PIK3R4: variants seen among roughly 807,000 people sequenced by gnomAD.
PIK3R4 encodes the protein phosphoinositide 3-kinase regulatory subunit 4.
Under a neutral mutation model 136.5 loss-of-function variants are expected in PIK3R4, and 46 were observed. The observed-to-expected ratio is 0.34, with a 90% confidence interval of 0.27 to 0.43. The LOEUF is 0.43. Among genes scored for constraint, PIK3R4 ranks in the 20% least tolerant of loss-of-function variants. PIK3R4 has a pLI of 1.00. For synonymous variants in PIK3R4, 557 were observed against 566.7 expected, an observed-to-expected ratio of 0.98 and a Z score of 0.24; for missense variants, 1,331 against 1,649.5, an observed-to-expected ratio of 0.81 and a Z score of 3.35.
chr3:130,684,422 A>G, intron 15 of PIK3R4, 41 bp from the exon 16 acceptor site: 1 of 1,560,014 alleles, frequency 6.4e-7, no homozygotes, highest in Non-Finnish European at 8.8e-7. Context: ...TCTAATGATC[A>G]AAGTGCATCA....
chr3:130,683,996 G>A (rs1371681897), intron 16 of PIK3R4, among the ~76,000 whole-genome samples: 1 of 152,060 alleles, frequency 6.6e-6, no homozygotes, highest in Non-Finnish European at 1.5e-5. Context: ...AAAAATAGGG[G>A]ACACAGGAAG....
At chr3:130,709,067 G>C (rs533177192) in intron 9 of PIK3R4, among the ~76,000 whole-genome samples, 107 of 152,218 alleles carry the variant, frequency 7.0e-4, no homozygotes, top group African/African-American at 2.5e-3. Flanking sequence ...GCTGAAGTCA[G>C]ACTGCCTAGG....
rs577768148 is a variant in PIK3R4, at chr3:130,679,254, C to T, written c.*61G>A. 42 of 1,024,878 alleles carry T rather than the reference C, an allele frequency of 4.1e-5. No individual in the cohort carries two copies. The African/African-American group carries it at 6.7e-4, about 16-fold the overall frequency. 63.5% of individuals were successfully genotyped at this position (1,024,878 alleles called of 1,614,324 possible). ...CAAATGAATCTGTTCTCTAGAAATG[C>T]CTTTTCTCGAGTTATAGTATTATAT... On this transcript the variant is annotated 3_prime_UTR_variant, in exon 20 of 20. Coordinates refer to ENST00000356763, the MANE Select transcript of PIK3R4 (RefSeq NM_014602.3).
At chr3:130,736,235 C>T (rs888256450) in intron 2 of PIK3R4, among the ~76,000 whole-genome samples, 1 of 152,114 alleles carries the variant, frequency 6.6e-6, no homozygotes, top group Non-Finnish European at 1.5e-5. Context: ...TTTTCTCCCT[C>T]TTAAAAAAAC....
intron 9 of PIK3R4, among the ~76,000 whole-genome samples, chr3:130,713,132 G>C (rs1254603680): frequency 6.6e-6 from 1 of 152,206 alleles, no homozygotes; most frequent in Non-Finnish European, 1.5e-5. Context: ...CTCTGGTAAA[G>C]TCATTGCTGG....
intron 2 of PIK3R4, among the ~76,000 whole-genome samples, chr3:130,738,318 T>G (rs1160943424): frequency 6.6e-6 from 1 of 152,222 alleles, no homozygotes; most frequent in Non-Finnish European, 1.5e-5. Context: ...TATGATATTT[T>G]CAACTTCTAA....
intron 2 of PIK3R4, among the ~76,000 whole-genome samples, chr3:130,741,083 A>G (rs746118025): frequency 2.8e-4 from 43 of 152,200 alleles, no homozygotes; most frequent in Non-Finnish European, 5.4e-4. Flanking sequence ...ATTGTGTGTC[A>G]AGTGCCCCCT....
At position 130,735,994 on chromosome 3, in the gene PIK3R4, T is replaced by C; in HGVS notation, c.742A>G (p.Ile248Val). The stretch of plus-strand genomic sequence containing the variant: ...ACACCTTCTGTAAAAAGCTCAGCTA[T>C]CACACAACCTGAAAAATAGCAGGTA... Reference protein sequence around the residue: ...AMDIFSAGCVIAELFTEGVPL... With the variant: ...AMDIFSAGCVVAELFTEGVPL... Residue 248 changes from isoleucine (I) to valine (V), a missense_variant, in exon 3 of 20, where the codon ATA becomes GTA. Ile to Val is a conservative substitution (Grantham distance 29). Around this residue, in one of 2 missense-constraint regions of PIK3R4, gnomAD observed 1,180 missense variants for 1,407.0 expected, o/e 0.84. Transcript: ENST00000356763. 1 of 1,606,964 alleles carries C rather than the reference T, an allele frequency of 6.2e-7. No individual in the cohort carries two copies. Among genetic ancestry groups the C allele is most frequent in the Non-Finnish European group, 8.5e-7 (1 of 1,177,486 alleles).
chr3:130,683,389 T>G (rs1193244839), intron 16 of PIK3R4, among the ~76,000 whole-genome samples: 1 of 152,150 alleles, frequency 6.6e-6, no homozygotes, highest in Non-Finnish European at 1.5e-5. Context: ...GACTGGGTCC[T>G]GAGGCAGGCC....
chr3:130,745,396 C>CT (rs753677786), intron 1 of PIK3R4, 132 bp from the exon 2 acceptor site: 25 of 540,814 alleles, frequency 4.6e-5, no homozygotes, highest in Non-Finnish European at 7.4e-5. Context: ...AGCACTGTAC[C>CT]TAGCCTTCTG....
chr3:130,685,165 T>C (rs1393346120), intron 15 of PIK3R4, among the ~76,000 whole-genome samples: 2 of 152,158 alleles, frequency 1.3e-5, no homozygotes, highest in African/African-American at 4.8e-5. Context: ...GAAATGTTGA[T>C]CAAAGAGTAC....
intron 6 of PIK3R4, 48 bp from the exon 7 acceptor site, chr3:130,723,635 C>A (rs1179517889): frequency 4.0e-6 from 6 of 1,487,610 alleles, no homozygotes; most frequent in Non-Finnish European, 5.5e-6. Flanking sequence ...CCTAAAAGTA[C>A]ATATATCATT....
At position 130,681,549 on chromosome 3, in the gene PIK3R4, G is replaced by A. The variant is rs770782462; in HGVS notation, c.3650C>T (p.Thr1217Ile). ...NNEVSMWDME[T>I]GDRRFTLWAS... ...CCAGAGAGTAAATCTTCTGTCACCA[G>A]TCTCCATGTCCCACATGGACACTTC... Residue 1217 changes from threonine (T) to isoleucine (I), a missense_variant, in exon 17 of 20, where the codon ACT (threonine) becomes ATT (isoleucine). Physicochemically the swap from Thr to Ile is moderately conservative, Grantham distance 89. Transcript: ENST00000356763. 3.7e-6 allele frequency: 6 copies of A among 1,612,618 alleles called. No individual in the cohort carries two copies. The highest frequency in any genetic ancestry group is 5.1e-6 in the Non-Finnish European group (6 of 1,178,816).
At chr3:130,725,806 A>G (rs1288401375) in intron 6 of PIK3R4, 5 of 152,106 alleles carry the variant, frequency 3.3e-5, no homozygotes, top group Non-Finnish European at 5.9e-5. Flanking sequence ...AAATTCATAG[A>G]ATTAGAAATA....
intron 6 of PIK3R4, among the ~76,000 whole-genome samples, chr3:130,726,157 A>C (rs565555977): frequency 1.4e-3 from 207 of 152,202 alleles, no homozygotes; most frequent in African/African-American, 4.7e-3. Context: ...TATATATGAC[A>C]GAAAAAAATG....
Position 130,695,813 on chromosome 3 carries a change from T to G in PIK3R4, c.3099-5159A>C, listed in dbSNP as rs1446138417. Among the ~76,000 whole-genome samples the G allele has an allele frequency of 3.9e-5, 6 of 152,300 alleles. No individual in the cohort carries two copies. In the South Asian group the frequency reaches 1.2e-3, roughly 32 times the overall value. On this transcript the variant is annotated intron_variant, in intron 13 of 19. Transcript: ENST00000356763. ...CATAAGGTTTGGTACTATCCGAGGT[T>G]TGGGACATCCACTAGGGGTCTTGGA...
intron 18 of PIK3R4, 29 bp from the exon 19 acceptor site, chr3:130,680,750 T>G: frequency 7.3e-7 from 1 of 1,364,694 alleles, no homozygotes; most frequent in Non-Finnish European, 1.0e-6. Flanking sequence ...ATGATGACAA[T>G]CTCTTCAGGA....
intron 4 of PIK3R4, 56 bp downstream of exon 4, chr3:130,733,492 T>C (rs981555795): frequency 7.1e-5 from 80 of 1,133,020 alleles, no homozygotes; most frequent in Non-Finnish European, 9.3e-5. Context: ...AGCAGTATTA[T>C]AGTCATTAAC....
At chr3:130,680,449 T>G in intron 19 of PIK3R4, 164 bp downstream of exon 19, 3 of 475,880 alleles carry the variant, frequency 6.3e-6, no homozygotes, top group Non-Finnish European at 3.8e-6. Context: ...TTATTTTACC[T>G]TAATAAAAGT....
Sources: allele counts gnomAD v4.1 joint callset (sites outside exome capture counted in the v4.1 genomes callset), GRCh38; gene constraint gnomAD v4.1.1; regional missense constraint gnomAD v4.1.1; transcripts MANE v1.5; gene names NCBI Gene and HGNC (gene_info 2026-07-23, HGNC 2026-07-21).